The following SLFN12L variants were observed in gnomAD, a reference collection of about 807,000 sequenced individuals.
SLFN12L encodes the protein schlafen family member 12-like.
Under a neutral mutation model 34.8 loss-of-function variants are expected in SLFN12L, and 34 were observed. The ratio of observed to expected loss-of-function variants is 0.98; its 90% CI spans 0.74 to 1.30. The LOEUF is 1.30. Ranked by LOEUF, SLFN12L falls within the 50% of genes most tolerant of loss-of-function variation. The pLI, the probability that SLFN12L is intolerant of heterozygous loss-of-function variation, is 0.00. For synonymous variants in SLFN12L, 259 were observed against 247.5 expected (o/e 1.05, Z -0.44); for missense variants, 703 against 696.2 (o/e 1.01, Z -0.11).
Position 35,479,537 on chromosome 17 carries a change from T to G in SLFN12L, c.745A>C (p.Lys249Gln), listed in dbSNP as rs1218489604. Residue 249 changes from lysine to glutamine, a missense_variant, in exon 3 of 5, where the codon AAA becomes CAA. Coordinates refer to ENST00000628453, the MANE Select transcript of SLFN12L (RefSeq NM_001363830.2). ...AACAACTTTTCAGTCGAGAAGTTTT[T>G]TATTTCAACGTGTGTGGATTCAGTA... ...TFTESTHVEI[K>Q]NFSTEKLLQR... 6.2e-7 allele frequency: 1 copy of G among 1,614,208 alleles called. No individual in the cohort carries two copies. The highest frequency in any genetic ancestry group is 1.7e-5 in the Admixed American group (1 of 60,020).
At chr17:35,517,275 A>T (rs942674578) in intron 2 of SLFN12L, among the ~76,000 whole-genome samples, 1 of 152,230 alleles carries the variant, frequency 6.6e-6, no homozygotes, top group Non-Finnish European at 1.5e-5. Context: ...GCACAGAGCC[A>T]AATCATGAGT....
At chr17:35,502,984 G>GAA (rs36056056) in intron 2 of SLFN12L, among the ~76,000 whole-genome samples, 1 of 151,676 alleles carries the variant, frequency 6.6e-6, no homozygotes, top group African/African-American at 2.4e-5. Context: ...TCGTGAAAGA[G>GAA]AAAAAAAGTT....
In SLFN12L at chr17:35,472,730, A is replaced by G. The variant is rs1023020208; in HGVS notation, c.*2193T>C. Among the ~76,000 whole-genome samples, 118 of 152,170 alleles carry G rather than the reference A, an allele frequency of 7.8e-4. 1 individual carries two copies. The highest frequency in any genetic ancestry group is 2.1e-4 in the Non-Finnish European group (14 of 68,018). ...GATGGGAATAACATTGAATCTATAA[A>G]TTACTTTGGGCAATATGGCCATTTT... On this transcript the variant is annotated 3_prime_UTR_variant, in exon 5 of 5. Transcript: ENST00000628453.
intron 2 of SLFN12L, among the ~76,000 whole-genome samples, chr17:35,521,053 A>C (rs1915982062): frequency 6.6e-6 from 1 of 152,168 alleles, no homozygotes. Context: ...TTAAGTTGAC[A>C]ACCTATAACT....
In SLFN12L at chr17:35,468,055, A is replaced by G. The variant is rs537574318; in HGVS notation, c.*6868T>C. ...CTCCTGAGAAGCTGCGACCACAGGC[A>G]CACACTACCACGCCCAGCTAATTTT... On this transcript the variant is annotated 3_prime_UTR_variant, in exon 5 of 5. Coordinates refer to ENST00000628453, the MANE Select transcript of SLFN12L (RefSeq NM_001363830.2). Among the ~76,000 whole-genome samples, 4 of 152,218 alleles carry G rather than the reference A, an allele frequency of 2.6e-5. No individual in the cohort carries two copies. The South Asian group carries it at 8.3e-4, about 32-fold the overall frequency.
In SLFN12L at chr17:35,468,714, A is replaced by C. The variant is rs907060108; in HGVS notation, c.*6209T>G. The stretch of plus-strand genomic sequence containing the variant: ...AATTTAATAGTAGTTACCACTACCT[A>C]CGTCATTCTAAGAATTAATGGAGGG... On this transcript the variant is annotated 3_prime_UTR_variant, in exon 5 of 5. Coordinates refer to ENST00000628453, the MANE Select transcript of SLFN12L (RefSeq NM_001363830.2). Among the ~76,000 whole-genome samples the C allele has an allele frequency of 2.0e-5, 3 of 152,152 alleles. No individual in the cohort carries two copies. Among genetic ancestry groups the C allele is most frequent in the African/African-American group, 7.2e-5 (3 of 41,442 alleles).
chr17:35,527,338 G>A (rs1385611721), intron 1 of SLFN12L, among the ~76,000 whole-genome samples: 1 of 152,052 alleles, frequency 6.6e-6, no homozygotes. Context: ...GAAAAAGAGG[G>A]AATCCTCCCT....
At chr17:35,536,964 T>C (rs2072468174) in intron 1 of SLFN12L, among the ~76,000 whole-genome samples, 1 of 151,930 alleles carries the variant, frequency 6.6e-6, no homozygotes, top group Non-Finnish European at 1.5e-5. Flanking sequence ...TTACTTGAGG[T>C]CAGGAGTTTG....
rs1054950319 is a variant in SLFN12L at position 35,522,444 on chromosome 17, G to A, written c.-80C>T. 33 of 1,613,960 alleles carry A rather than the reference G, an allele frequency of 2.0e-5. No homozygotes were observed. The highest frequency in any genetic ancestry group is 2.7e-5 in the Non-Finnish European group (32 of 1,179,984). ...TTCTCTGTTCTTGTGGAAGCTTCTG[G>A]AGAATATCTCATACTGCTGGGCTGT... is the stretch of plus-strand genomic sequence containing the variant. On this transcript the variant is annotated 5_prime_UTR_variant, in exon 2 of 5. Transcript: ENST00000628453.
At chr17:35,481,993 T>C (rs549571131) in intron 2 of SLFN12L, among the ~76,000 whole-genome samples, 1 of 152,192 alleles carries the variant, frequency 6.6e-6, no homozygotes, top group Non-Finnish European at 1.5e-5. Flanking sequence ...CCCAAGTAGC[T>C]GGCATTAAGG....
intron 1 of SLFN12L, among the ~76,000 whole-genome samples, chr17:35,528,317 C>A (rs2142174864): frequency 1.3e-5 from 2 of 152,252 alleles, no homozygotes; most frequent in Admixed American, 1.3e-4. Context: ...ATCAAGCTAC[C>A]AGTGACTTTA....
Position 35,470,313 on chromosome 17 carries a change from AT to A in SLFN12L, c.*4609del. ...CATGTGTTAACGTTTAGTCCAAATC[AT>A]TTTTCCACTTTAGCTCTGCTTCAAA... On this transcript the variant is annotated 3_prime_UTR_variant, in exon 5 of 5. Coordinates refer to ENST00000628453, the MANE Select transcript of SLFN12L (RefSeq NM_001363830.2). 2.5e-5 allele frequency: 4 copies of A among 160,530 alleles called. No individual in the cohort carries two copies. The highest frequency in any genetic ancestry group is 2.7e-5 in the Non-Finnish European group (2 of 73,258). 9.9% of individuals were successfully genotyped at this position (160,530 alleles called of 1,614,324 possible). A position where few individuals can be genotyped will look rare whatever the true frequency, so the allele number is the denominator to read the frequency against.
chr17:35,497,062 G>T (rs1483622974), intron 2 of SLFN12L, among the ~76,000 whole-genome samples: 1 of 152,148 alleles, frequency 6.6e-6, no homozygotes, highest in Non-Finnish European at 1.5e-5. Flanking sequence ...AGCCTAGGCA[G>T]CCTGGGCAAC....
rs1246180452 is a variant in SLFN12L at position 35,490,615 on chromosome 17, C to T, written c.87-10420G>A. The T allele has an allele frequency of 2.5e-5, 21 of 845,158 alleles. No homozygotes were observed. In the South Asian group the frequency reaches 2.9e-4, roughly 12 times the overall value. The allele number at this position is 845,158 out of a possible 1,614,324, so 52.4% of individuals were successfully genotyped here. A position where few individuals can be genotyped will look rare whatever the true frequency, so the allele number is the denominator to read the frequency against. ...AGGCCTGTCAAAAGAAATGACCAAG[C>T]TCACTCAGGAAGAGAAGAAATTAGA... is the stretch of plus-strand genomic sequence containing the variant. On this transcript the variant is annotated intron_variant, in intron 2 of 4. Coordinates refer to ENST00000628453, the MANE Select transcript of SLFN12L (RefSeq NM_001363830.2).
chr17:35,505,142 A>G (rs976736339), intron 2 of SLFN12L, among the ~76,000 whole-genome samples: 2 of 152,244 alleles, frequency 1.3e-5, no homozygotes, highest in African/African-American at 2.4e-5. Context: ...ACAGTTAATA[A>G]AAATGTAGAT....
intron 2 of SLFN12L, 83 bp downstream of exon 2, chr17:35,522,196 A>C: frequency 6.4e-7 from 1 of 1,550,744 alleles, no homozygotes; most frequent in South Asian, 1.2e-5. Flanking sequence ...TTACCACTTA[A>C]TTTTCAAGGG....
chr17:35,506,239 TAGTAATA>T (rs1304463289), intron 2 of SLFN12L, among the ~76,000 whole-genome samples: 1 of 152,320 alleles, frequency 6.6e-6, no homozygotes, highest in East Asian at 1.9e-4. Flanking sequence ...CTGTCATTAA[TAGTAATA>T]AGTTAGAAAC....
At chr17:35,514,632 A>G in intron 2 of SLFN12L, 1 of 256,494 alleles carries the variant, frequency 3.9e-6, no homozygotes, top group South Asian at 4.3e-5. Flanking sequence ...GGATTTACAC[A>G]AAGTAAACAT....
rs573614767 is a variant in SLFN12L, at chr17:35,522,795, A to G, written c.-431T>C. 1 of 1,547,832 alleles carries G rather than the reference A, an allele frequency of 6.5e-7. No homozygotes were observed. The highest frequency in any genetic ancestry group is 2.2e-5 in the East Asian group (1 of 44,598). Reference sequence around the variant, plus strand: ...CTATGCTATCAGCAGAGCATCACAGATGACTCCTGGCTTCTCCTGCAAATT... The same window carrying G: ...CTATGCTATCAGCAGAGCATCACAGGTGACTCCTGGCTTCTCCTGCAAATT... On this transcript the variant is annotated 5_prime_UTR_variant, in exon 2 of 5. Transcript: ENST00000628453.
Sources: allele counts gnomAD v4.1 joint callset (sites outside exome capture counted in the v4.1 genomes callset), GRCh38; gene constraint gnomAD v4.1.1; transcripts MANE v1.5; gene names NCBI Gene and HGNC (gene_info 2026-07-23, HGNC 2026-07-21).